CTNNA1: variants seen among roughly 807,000 people sequenced by gnomAD.
CTNNA1 encodes the protein catenin alpha-1.
A neutral mutation model predicts 98.4 loss-of-function variants in CTNNA1; 37 were observed. The observed-to-expected ratio is 0.38, with a 90% CI of 0.29 to 0.49. The LOEUF (loss-of-function observed/expected upper bound fraction) is 0.49. CTNNA1 is among the 20% of genes least tolerant of loss of function. CTNNA1 has a pLI of 0.95. For missense variants in CTNNA1, 761 were observed against 1,147.2 expected (o/e 0.66, Z 4.86); for synonymous variants, 404 against 413.2 (o/e 0.98, Z 0.27).
intron 3 of CTNNA1, among the ~76,000 whole-genome samples, chr5:138,787,866 C>T (rs1755886760): frequency 6.6e-6 from 1 of 152,088 alleles, no homozygotes; most frequent in African/African-American, 2.4e-5. Context: ...TAAAAAAATT[C>T]ACGTACATAA....
At chr5:138,901,995 T>G (rs1325175592) in intron 9 of CTNNA1, among the ~76,000 whole-genome samples, 1 of 152,218 alleles carries the variant, frequency 6.6e-6, no homozygotes, top group Non-Finnish European at 1.5e-5. Flanking sequence ...TGACAGGCAC[T>G]CCTTCCTCCT....
intron 3 of CTNNA1, among the ~76,000 whole-genome samples, chr5:138,799,161 G>T (rs2149699627): frequency 6.6e-6 from 1 of 151,710 alleles, no homozygotes; most frequent in South Asian, 2.1e-4. Flanking sequence ...CCAGCCTTCT[G>T]CCACATTTTG....
intron 7 of CTNNA1, among the ~76,000 whole-genome samples, chr5:138,848,662 G>C (rs192061130): frequency 1.3e-5 from 2 of 152,146 alleles, no homozygotes; most frequent in Non-Finnish European, 2.9e-5. Flanking sequence ...CCTGAAGTTG[G>C]TAGCTTTATT....
intron 7 of CTNNA1, among the ~76,000 whole-genome samples, chr5:138,881,513 G>T (rs1481806583): frequency 6.6e-6 from 1 of 152,212 alleles, no homozygotes; most frequent in Non-Finnish European, 1.5e-5. Context: ...CCTAAAAGCT[G>T]CTAGTTTCCC....
chr5:138,858,133 T>A (rs1763893651), intron 7 of CTNNA1, among the ~76,000 whole-genome samples: 1 of 151,956 alleles, frequency 6.6e-6, no homozygotes, highest in Admixed American at 6.6e-5. Context: ...AAAAAATTTT[T>A]TTTTTTTTTT....
chr5:138,772,812 CTTCTTTCATTTTATA>C (rs1753689138), intron 1 of CTNNA1, among the ~76,000 whole-genome samples: 3 of 150,546 alleles, frequency 2.0e-5, no homozygotes, highest in African/African-American at 4.9e-5. Context: ...TAGAATTCAA[CTTCTTTCATTTTATA>C]GATAGATGAA....
At chr5:138,894,010 C>G (rs993557138) in intron 9 of CTNNA1, among the ~76,000 whole-genome samples, 1 of 152,096 alleles carries the variant, frequency 6.6e-6, no homozygotes. Context: ...CTTCGCCTCC[C>G]GGTTCAAGCA....
At chr5:138,875,533 C>A in intron 7 of CTNNA1, 3 of 985,402 alleles carry the variant, frequency 3.0e-6, no homozygotes, top group Non-Finnish European at 3.6e-6. Context: ...CATGATATTC[C>A]TTCAGTGTAG....
intron 7 of CTNNA1, chr5:138,875,844 C>A: frequency 1.9e-6 from 1 of 515,184 alleles, no homozygotes; most frequent in Non-Finnish European, 2.5e-6. Flanking sequence ...TGTTGATAAA[C>A]TAGCTAAGTG....
At chr5:138,771,249 C>G (rs1248979612) in intron 1 of CTNNA1, among the ~76,000 whole-genome samples, 1 of 151,218 alleles carries the variant, frequency 6.6e-6, no homozygotes, top group Non-Finnish European at 1.5e-5. Flanking sequence ...TTGATGAGTG[C>G]CTTTTGTTGT....
In CTNNA1 at chr5:138,934,382, G is replaced by A. The variant is rs557777109; in HGVS notation, c.*293G>A. The A allele has an allele frequency of 3.5e-4, 117 of 337,232 alleles. 1 individual carries two copies. The highest frequency in any genetic ancestry group is 1.8e-3 in the Middle Eastern group (2 of 1,136). 20.9% of individuals were successfully genotyped at this position (337,232 alleles called of 1,614,324 possible). A position where few individuals can be genotyped will look rare whatever the true frequency, so the allele number is the denominator to read the frequency against. On this transcript the variant is annotated 3_prime_UTR_variant, in exon 18 of 18. Coordinates refer to ENST00000302763, the MANE Select transcript of CTNNA1 (RefSeq NM_001903.5). The stretch of plus-strand genomic sequence containing the variant: ...TTGTTAGTAATGCTCTGACCAAGCC[G>A]AGATGCCCATTCTCTTAGTGATGGC...
At chr5:138,800,620 C>T (rs549676798) in intron 3 of CTNNA1, among the ~76,000 whole-genome samples, 6 of 152,124 alleles carry the variant, frequency 3.9e-5, no homozygotes, top group Admixed American at 1.3e-4. Context: ...CATGGAGAAA[C>T]CCTGTCTCTA....
chr5:138,812,439 G>A (rs1371605047), intron 5 of CTNNA1, 137 bp downstream of exon 5: 2 of 874,160 alleles, frequency 2.3e-6, no homozygotes, highest in African/African-American at 1.7e-5. Flanking sequence ...AAACTAAGGT[G>A]TCTTTTCAGT....
intron 3 of CTNNA1, among the ~76,000 whole-genome samples, chr5:138,803,510 G>A (rs746142066): frequency 6.6e-6 from 1 of 152,112 alleles, no homozygotes; most frequent in Non-Finnish European, 1.5e-5. Flanking sequence ...TATTACCCTT[G>A]AAATCTGGTG....
chr5:138,827,820 C>A, intron 7 of CTNNA1, 102 bp downstream of exon 7: 1 of 1,376,798 alleles, frequency 7.3e-7, no homozygotes, highest in Non-Finnish European at 9.9e-7. Context: ...CCAAATATGT[C>A]CTTGACTCCT....
intron 7 of CTNNA1, among the ~76,000 whole-genome samples, chr5:138,858,114 T>TA (rs1304049742): frequency 1.4e-5 from 2 of 138,542 alleles, no homozygotes; most frequent in Admixed American, 8.0e-5. Context: ...TGTCATTAAT[T>TA]AGAGTTAAAA....
At chr5:138,791,119 C>T (rs1053273416) in intron 3 of CTNNA1, 2 of 151,918 alleles carry the variant, frequency 1.3e-5, no homozygotes, top group African/African-American at 2.4e-5. Context: ...AGTTTTTTCC[C>T]CTTTCATATC....
At chr5:138,921,596 A>ATT (rs386405098) in intron 11 of CTNNA1, among the ~76,000 whole-genome samples, 1,110 of 103,920 alleles carry the variant, frequency 0.011, 77 homozygotes, top group African/African-American at 0.036. Context: ...ATTAGTGGTG[A>ATT]TTTTTTTTTT....
chr5:138,805,475 G>T (rs1757996403), intron 3 of CTNNA1, among the ~76,000 whole-genome samples: 1 of 152,024 alleles, frequency 6.6e-6, no homozygotes, highest in Non-Finnish European at 1.5e-5. Context: ...TGATATCTTT[G>T]TGTGGTTTTG....
Sources: gnomAD v4.1 joint callset for allele counts (sites outside exome capture counted in the v4.1 genomes callset) on GRCh38, gnomAD v4.1.1 for gene constraint, MANE v1.5 for transcripts, NCBI Gene and HGNC (gene_info 2026-07-23, HGNC 2026-07-21) for gene names.